Variants in CSMD1 observed in about 807,000 individuals in gnomAD.
The protein encoded by CSMD1 is CUB and sushi domain-containing protein 1.
Under a neutral mutation model 417.5 loss-of-function variants are expected in CSMD1, and 213 were observed. That is an observed-to-expected ratio of 0.51 (90% CI 0.46 to 0.57). The LOEUF (loss-of-function observed/expected upper bound fraction) is 0.57, where lower values mean the gene tolerates loss of function less well. Among genes scored for constraint, CSMD1 ranks in the 20% least tolerant of loss-of-function variants. CSMD1 has a pLI of 0.00. For missense variants in CSMD1, 6,923 were observed against 4,529.7 expected (o/e 1.53, Z -15.17); for synonymous variants, 2,862 against 1,736.8 (o/e 1.65, Z -16.11).
chr8:3,342,346 G>C (rs556729502), intron 23 of CSMD1, among the ~76,000 whole-genome samples: 1 of 152,072 alleles, frequency 6.6e-6, no homozygotes, highest in East Asian at 1.9e-4. Context: ...TCAAATAAAG[G>C]TATCCATCAC....
intron 1 of CSMD1, among the ~76,000 whole-genome samples, chr8:4,668,914 A>C (rs1805120889): frequency 6.6e-6 from 1 of 151,960 alleles, no homozygotes; most frequent in African/African-American, 2.4e-5. Flanking sequence ...CTGAAGCTTT[A>C]TTTTATTCTC....
In CSMD1 at chr8:3,449,004, A is replaced by C. The variant is rs145703449; in HGVS notation, c.1561+19708T>G. On this transcript the variant is annotated intron_variant, in intron 12 of 69. Transcript: ENST00000635120. ...AAACAATCACATATAAACAGAAATCAAACACGTATTAGTAGGAGGCAGAAA... is the reference window on the plus strand; with the variant it reads ...AAACAATCACATATAAACAGAAATCCAACACGTATTAGTAGGAGGCAGAAA... Among the ~76,000 whole-genome samples the C allele has an allele frequency of 4.6e-5, 7 of 152,336 alleles. No homozygotes were observed. In the East Asian group the frequency reaches 1.4e-3, roughly 29 times the overall value.
At chr8:3,132,524 T>C (rs1438912807) in intron 41 of CSMD1, among the ~76,000 whole-genome samples, 1 of 152,168 alleles carries the variant, frequency 6.6e-6, no homozygotes, top group Non-Finnish European at 1.5e-5. Context: ...TTCAGTCTCA[T>C]CAGTTCTAGA....
intron 2 of CSMD1, among the ~76,000 whole-genome samples, chr8:4,508,688 G>T (rs914139427): frequency 1.3e-5 from 2 of 152,132 alleles, no homozygotes; most frequent in Non-Finnish European, 2.9e-5. Context: ...GCAGCTGGTA[G>T]TGGGTCTGGA....
At chr8:4,288,876 G>C (rs1797207381) in intron 3 of CSMD1, among the ~76,000 whole-genome samples, 1 of 152,086 alleles carries the variant, frequency 6.6e-6, no homozygotes, top group Non-Finnish European at 1.5e-5. Context: ...TATTTTAAGA[G>C]TAAATATTAG....
intron 41 of CSMD1, 92 bp downstream of exon 41, chr8:3,142,373 T>G: frequency 2.7e-6 from 3 of 1,124,202 alleles, no homozygotes; most frequent in Non-Finnish European, 3.9e-6. Flanking sequence ...CGTACAAGCT[T>G]GGAACCAGTT....
At chr8:3,873,518 A>C (rs1174187697) in intron 5 of CSMD1, among the ~76,000 whole-genome samples, 1 of 152,076 alleles carries the variant, frequency 6.6e-6, no homozygotes, top group Admixed American at 6.5e-5. Context: ...ACACAGGGAC[A>C]CATAAAGGGA....
rs530855935 is a variant in CSMD1, at chr8:3,208,100, A to G, written c.4868-2480T>C. On this transcript the variant is annotated intron_variant, in intron 30 of 69. Coordinates refer to ENST00000635120, the MANE Select transcript of CSMD1 (RefSeq NM_033225.6). ...AAAACTTAGCACAAATAAAGATTGA[A>G]AATATATTTTATTTGCGCTCAGTCA... Among the ~76,000 whole-genome samples, 3 of 152,298 alleles carry G rather than the reference A, an allele frequency of 2.0e-5. No homozygotes were observed. In the South Asian group the frequency reaches 6.2e-4, roughly 32 times the overall value.
chr8:4,819,532 G>A (rs145576227), intron 1 of CSMD1, among the ~76,000 whole-genome samples: 2 of 152,066 alleles, frequency 1.3e-5, no homozygotes, highest in Admixed American at 1.3e-4. Context: ...ATTTTCCCTT[G>A]TGTTAGAATC....
At chr8:3,350,537 C>G (rs1585038260) in intron 21 of CSMD1, among the ~76,000 whole-genome samples, 1 of 152,118 alleles carries the variant, frequency 6.6e-6, no homozygotes, top group African/African-American at 2.4e-5. Flanking sequence ...ATAACACTTA[C>G]ATGTACTTTA....
intron 5 of CSMD1, among the ~76,000 whole-genome samples, chr8:3,865,840 T>C (rs536895860): frequency 3.3e-5 from 5 of 152,294 alleles, no homozygotes; most frequent in African/African-American, 1.2e-4. Context: ...CATTGCTCCA[T>C]TTGAGCTGGA....
chr8:4,111,037 A>T (rs1279669939), intron 3 of CSMD1, among the ~76,000 whole-genome samples: 1 of 152,158 alleles, frequency 6.6e-6, no homozygotes, highest in Non-Finnish European at 1.5e-5. Flanking sequence ...TGCGAAAGGA[A>T]ATAACTTAAT....
intron 2 of CSMD1, among the ~76,000 whole-genome samples, chr8:4,438,786 G>T (rs529988003): frequency 1.3e-5 from 2 of 152,298 alleles, no homozygotes; most frequent in East Asian, 3.9e-4. Context: ...ACAAGTGCTT[G>T]AAGGATCAAA....
At position 3,882,463 on chromosome 8, in the gene CSMD1, A is replaced by G. The variant is rs544901509; in HGVS notation, c.818+115440T>C. 2.2e-4 allele frequency among the ~76,000 whole-genome samples: 34 copies of G among 152,332 alleles called. 1 individual carries two copies. In the South Asian group the frequency reaches 7.1e-3, roughly 32 times the overall value. On this transcript the variant is annotated intron_variant, in intron 5 of 69. Transcript: ENST00000635120. ...ATTTCCTACACTACGGTGGTATTACAAATCAGTAGAATTATTTTGCAAAAC... is the reference window on the plus strand; with the variant it reads ...ATTTCCTACACTACGGTGGTATTACGAATCAGTAGAATTATTTTGCAAAAC...
intron 1 of CSMD1, among the ~76,000 whole-genome samples, chr8:4,755,338 G>T (rs1028735958): frequency 2.6e-5 from 4 of 151,800 alleles, no homozygotes; most frequent in African/African-American, 2.4e-5. Context: ...TTTCCTTTTG[G>T]GATATTATCT....
At chr8:4,215,843 C>T (rs540988761) in intron 3 of CSMD1, among the ~76,000 whole-genome samples, 1 of 152,194 alleles carries the variant, frequency 6.6e-6, no homozygotes, top group Non-Finnish European at 1.5e-5. Context: ...ATGGAAAAGG[C>T]AGGGTTTATG....
At chr8:4,490,983 G>C (rs761086178) in intron 2 of CSMD1, among the ~76,000 whole-genome samples, 6 of 152,158 alleles carry the variant, frequency 3.9e-5, no homozygotes, top group Non-Finnish European at 5.9e-5. Context: ...ACAGGGAGGA[G>C]TTCACAGGCT....
At chr8:3,311,812 A>T (rs1805373238) in intron 23 of CSMD1, among the ~76,000 whole-genome samples, 1 of 151,982 alleles carries the variant, frequency 6.6e-6, no homozygotes, top group South Asian at 2.1e-4. Flanking sequence ...TTCACTGGAG[A>T]CATGTGTAAT....
At chr8:4,031,164 CTTCCACATCT>C (rs1797324928) in intron 4 of CSMD1, among the ~76,000 whole-genome samples, 1 of 152,210 alleles carries the variant, frequency 6.6e-6, no homozygotes, top group South Asian at 2.1e-4. Flanking sequence ...TCCAAAGTCG[CTTCCACATCT>C]TTTGGTATCT....
Sources: gnomAD v4.1 joint callset for allele counts (sites outside exome capture counted in the v4.1 genomes callset) on GRCh38, gnomAD v4.1.1 for gene constraint, MANE v1.5 for transcripts, NCBI Gene and HGNC (gene_info 2026-07-23, HGNC 2026-07-21) for gene names.